The following SIK3 variants were observed in gnomAD, a reference collection of about 807,000 sequenced individuals.
SIK3 encodes SIK family kinase 3.
In SIK3, 28 loss-of-function variants were observed where a neutral mutation model predicts 144.2. That is an observed-to-expected ratio of 0.19 (90% CI 0.14 to 0.27). SIK3 has a LOEUF of 0.27. Among genes scored for constraint, SIK3 ranks in the 10% least tolerant of loss-of-function variants. The pLI is 1.00. For missense variants in SIK3, 1,319 were observed against 1,776.0 expected, an observed-to-expected ratio of 0.74 and a Z score of 4.62; for synonymous variants, 686 against 676.3, an observed-to-expected ratio of 1.01 and a Z score of -0.22.
chr11:116,883,536 G>A (rs900439371), intron 6 of SIK3, among the ~76,000 whole-genome samples: 6 of 152,222 alleles, frequency 3.9e-5, no homozygotes, highest in East Asian at 1.9e-4. Context: ...TTATTAATAC[G>A]CTCAAGAAAC....
intron 1 of SIK3, among the ~76,000 whole-genome samples, chr11:117,015,328 T>C (rs1326886323): frequency 1.3e-5 from 2 of 152,140 alleles, no homozygotes; most frequent in Non-Finnish European, 2.9e-5. Flanking sequence ...CAACAGCAAG[T>C]GTTAGAGAAG....
At chr11:116,912,544 A>C (rs977561475) in intron 4 of SIK3, among the ~76,000 whole-genome samples, 1 of 152,210 alleles carries the variant, frequency 6.6e-6, no homozygotes, top group Admixed American at 6.5e-5. Flanking sequence ...CAGTGTCTCT[A>C]AGGCAATACA....
At chr11:117,032,556 GAGTCC>G (rs1952308174) in intron 1 of SIK3, among the ~76,000 whole-genome samples, 1 of 152,010 alleles carries the variant, frequency 6.6e-6, no homozygotes, top group Admixed American at 6.6e-5. Context: ...CTCCTGGCTA[GAGTCC>G]AGTGGCATGA....
At chr11:116,874,096 T>A (rs1373024711) in intron 11 of SIK3, 40 bp from the exon 12 acceptor site, 3 of 1,609,170 alleles carry the variant, frequency 1.9e-6, no homozygotes, top group East Asian at 2.2e-5. Context: ...TAGTTAACAT[T>A]CTTACTCAAA....
chr11:117,094,266 T>C (rs1028576302), intron 1 of SIK3, among the ~76,000 whole-genome samples: 4 of 152,220 alleles, frequency 2.6e-5, no homozygotes, highest in South Asian at 2.1e-4. Flanking sequence ...AGTTTAAACG[T>C]ATTTGGCCAA....
chr11:116,987,338 A>AAC (rs1950358968), intron 1 of SIK3, among the ~76,000 whole-genome samples: 1 of 150,690 alleles, frequency 6.6e-6, no homozygotes, highest in Non-Finnish European at 1.5e-5. Flanking sequence ...AAAAAAAAAA[A>AAC]CACAGAGAGC....
intron 1 of SIK3, among the ~76,000 whole-genome samples, chr11:117,085,735 AG>A (rs1424492054): frequency 6.6e-6 from 1 of 152,178 alleles, no homozygotes; most frequent in African/African-American, 2.4e-5. Context: ...CTGTAAGCCT[AG>A]CACTTTAGGA....
At chr11:116,965,387 A>ATT in intron 1 of SIK3, among the ~76,000 whole-genome samples, 1 of 151,940 alleles carries the variant, frequency 6.6e-6, no homozygotes, top group East Asian at 1.9e-4. Context: ...TTTTTTTTAA[A>ATT]AAAAAGGAGT....
intron 1 of SIK3, among the ~76,000 whole-genome samples, chr11:117,010,031 A>G (rs1381977129): frequency 3.9e-5 from 6 of 152,170 alleles, no homozygotes; most frequent in Admixed American, 2.0e-4. Context: ...ATCCCCAAAG[A>G]AGCTGATTCT....
At chr11:116,963,968 T>C (rs1949435125) in intron 1 of SIK3, among the ~76,000 whole-genome samples, 2 of 152,164 alleles carry the variant, frequency 1.3e-5, no homozygotes, top group East Asian at 1.9e-4. Flanking sequence ...TAAATGGCCA[T>C]GATTAATAAC....
intron 1 of SIK3, among the ~76,000 whole-genome samples, chr11:117,005,994 G>A (rs1951032552): frequency 1.3e-5 from 2 of 152,206 alleles, no homozygotes; most frequent in Admixed American, 1.3e-4. Context: ...ACAGTAAAGG[G>A]AGGGAAGGGA....
intron 1 of SIK3, among the ~76,000 whole-genome samples, chr11:117,083,341 T>A (rs1348953620): frequency 6.6e-6 from 1 of 152,162 alleles, no homozygotes; most frequent in Non-Finnish European, 1.5e-5. Flanking sequence ...GTGAAATCCT[T>A]TAAAGAGATC....
At chr11:117,056,855 G>C (rs888204618) in intron 1 of SIK3, among the ~76,000 whole-genome samples, 2 of 151,944 alleles carry the variant, frequency 1.3e-5, no homozygotes, top group African/African-American at 4.8e-5. Flanking sequence ...AAAATGGAAG[G>C]AACTTAAAAG....
chr11:116,967,661 C>T (rs1273665203), intron 1 of SIK3, among the ~76,000 whole-genome samples: 2 of 152,214 alleles, frequency 1.3e-5, no homozygotes, highest in Admixed American at 1.3e-4. Flanking sequence ...GACTGCATTT[C>T]ATCCTCCTAT....
chr11:117,087,312 G>A (rs7103842), intron 1 of SIK3, among the ~76,000 whole-genome samples: 23,673 of 151,866 alleles, frequency 0.16, 2,448 homozygotes, highest in Non-Finnish European at 0.23. Flanking sequence ...GCGTGGCTAT[G>A]GGCACCTGTA....
intron 1 of SIK3, among the ~76,000 whole-genome samples, chr11:116,991,325 T>C (rs888608622): frequency 6.6e-6 from 1 of 152,080 alleles, no homozygotes. Flanking sequence ...CACACGCCCG[T>C]AATCTCACCT....
intron 3 of SIK3, among the ~76,000 whole-genome samples, chr11:116,950,664 A>C (rs532339243): frequency 6.6e-6 from 1 of 152,372 alleles, no homozygotes; most frequent in East Asian, 1.9e-4. Flanking sequence ...TCTTCTGCTC[A>C]ACTTACTGGA....
At chr11:117,031,861 A>G (rs1209194882) in intron 1 of SIK3, among the ~76,000 whole-genome samples, 1 of 151,942 alleles carries the variant, frequency 6.6e-6, no homozygotes, top group African/African-American at 2.4e-5. Flanking sequence ...TTTTTAAGTG[A>G]TGATCATGTT....
At chr11:117,066,693 C>A (rs894809557) in intron 1 of SIK3, among the ~76,000 whole-genome samples, 13 of 152,238 alleles carry the variant, frequency 8.5e-5, no homozygotes, top group Admixed American at 2.6e-4. Flanking sequence ...ATGCCAAGCA[C>A]CCAGCTAATT....
Sources: allele counts gnomAD v4.1 joint callset (sites outside exome capture counted in the v4.1 genomes callset), GRCh38; gene constraint gnomAD v4.1.1; transcripts MANE v1.5; gene names NCBI Gene and HGNC (gene_info 2026-07-23, HGNC 2026-07-21).